The following HGS variants were observed in gnomAD, a reference collection of about 807,000 sequenced individuals.
HGS encodes hepatocyte growth factor-regulated tyrosine kinase substrate, also known as human growth factor-regulated tyrosine kinase substrate.
Under a neutral mutation model 109.7 loss-of-function variants are expected in HGS, and 63 were observed. That is an observed-to-expected ratio of 0.57 (90% CI 0.47 to 0.71). The LOEUF is 0.71. HGS is among the 30% of genes least tolerant of loss of function. The pLI, the probability that HGS is intolerant of heterozygous loss-of-function variation, is 0.00. For missense variants in HGS, 995 were observed against 1,068.3 expected, an observed-to-expected ratio of 0.93 and a Z score of 0.96; for synonymous variants, 546 against 437.3, an observed-to-expected ratio of 1.25 and a Z score of -3.10.
chr17:81,698,849 A>G (rs1430685273), intron 18 of HGS, among the ~76,000 whole-genome samples: 1 of 152,178 alleles, frequency 6.6e-6, no homozygotes, highest in Non-Finnish European at 1.5e-5. Context: ...CGCGTGGCTC[A>G]CCTGAGGTCA....
Position 81,690,910 on chromosome 17 carries a change from C to T in HGS, c.537+168C>T, listed in dbSNP as rs2037053768. The T allele has an allele frequency of 6.9e-6, 4 of 580,480 alleles. No homozygotes were observed. In the South Asian group the frequency reaches 8.7e-5, roughly 13 times the overall value. The allele number at this position is 580,480 out of a possible 1,614,324, so 36.0% of individuals were successfully genotyped here. A position where few individuals can be genotyped will look rare whatever the true frequency, so the allele number is the denominator to read the frequency against. On this transcript the variant is annotated intron_variant, in intron 7 of 21. Transcript: ENST00000329138. ...GCGTCAGGAGGGGGACAGTGAGGGCCCACGTAAGGGCCTGATGCCACTGCC... is the reference window on the plus strand; with the variant it reads ...GCGTCAGGAGGGGGACAGTGAGGGCTCACGTAAGGGCCTGATGCCACTGCC...
In HGS at chr17:81,696,692, A is replaced by G. The variant is rs1421384942; in HGVS notation, c.1652A>G (p.Lys551Arg). The G allele has an allele frequency of 6.2e-7, 1 of 1,611,426 alleles. No individual in the cohort carries two copies. The highest frequency in any genetic ancestry group is 8.5e-7 in the Non-Finnish European group (1 of 1,179,676). ...KERQMRLEQQ[K>R]QTVQMRAQMP... ...CGGCAGATGCGGCTGGAGCAGCAGA[A>G]GCAGACGGTCCAGATGCGCGCGCAG... is the stretch of plus-strand genomic sequence containing the variant. The change falls in exon 17 of 22, where the codon AAG becomes AGG. Residue 551 changes from lysine to arginine, a missense_variant. By Grantham distance (26) the Lys-to-Arg change is conservative. Coordinates refer to ENST00000329138, the MANE Select transcript of HGS (RefSeq NM_004712.5).
At chr17:81,694,783 C>T in intron 11 of HGS, 32 bp from the exon 12 acceptor site, 5 of 1,614,184 alleles carry the variant, frequency 3.1e-6, no homozygotes, top group Non-Finnish European at 3.4e-6. Flanking sequence ...GGCTCTGTCA[C>T]CTGTGAGACT....
intron 11 of HGS, 138 bp downstream of exon 11, chr17:81,694,103 A>T (rs1288964077): frequency 2.9e-6 from 2 of 692,618 alleles, no homozygotes; most frequent in African/African-American, 3.6e-5. Flanking sequence ...GCCCCAGCAC[A>T]CGGGCGGACA....
Position 81,695,899 on chromosome 17 carries a change from C to T in HGS, c.1293C>T (p.Arg431=). Residue 431 remains arginine, a synonymous_variant, in exon 15 of 22, where the codon CGC becomes CGT. Transcript: ENST00000329138. The part of the protein sequence containing the change: ...NRMKSNHMRG[R]SITNDSAVLS... ...TGAAGAGTAACCACATGCGGGGCCG[C>T]AGCATCACCAATGACTCGGCCGTGC... 6.2e-7 allele frequency: 1 copy of T among 1,611,674 alleles called. No homozygotes were observed. Among genetic ancestry groups the T allele is most frequent in the Non-Finnish European group, 8.5e-7 (1 of 1,178,578 alleles).
chr17:81,684,822 G>A (rs141523822), intron 1 of HGS: 29 of 840,002 alleles, frequency 3.5e-5, no homozygotes, highest in Middle Eastern at 1.2e-3. Flanking sequence ...GGGTTTTCAA[G>A]GAGACTTCAA....
rs191034091 is a variant in HGS at position 81,686,350 on chromosome 17, A to G, written c.161A>G (p.Asn54Ser). 8.1e-5 allele frequency: 131 copies of G among 1,613,754 alleles called. No homozygotes were observed. Among genetic ancestry groups the G allele is most frequent in the Non-Finnish European group, 5.1e-6 (6 of 1,179,988 alleles). The change falls in exon 3 of 22, where the codon AAC (asparagine) becomes AGC (serine). Residue 54 changes from asparagine to serine, a missense_variant. Coordinates refer to ENST00000329138, the MANE Select transcript of HGS (RefSeq NM_004712.5). ...YAVNSIKKKV[N>S]DKNPHVALYA... is the part of the protein sequence containing the mutation. ...GTGAATTCCATCAAGAAGAAAGTCA[A>G]CGACAAGAACCCACACGTCGCCTTG...
rs1228455606 is a variant in HGS at position 81,695,149 on chromosome 17, TTC to T, written c.1120-7_1120-6del. The stretch of plus-strand genomic sequence containing the variant: ...CGGGACAGGTTGGAGGCCCCACTCA[TTC>T]TCTCTCTTCCAGAACCCCCTCCCGG... On this transcript the variant is annotated splice_polypyrimidine_tract_variant and intron_variant, in intron 13 of 21. Coordinates refer to ENST00000329138, the MANE Select transcript of HGS (RefSeq NM_004712.5). 9.3e-6 allele frequency: 15 copies of T among 1,613,890 alleles called. No homozygotes were observed. Among genetic ancestry groups the T allele is most frequent in the East Asian group, 4.5e-5 (2 of 44,900 alleles).
chr17:81,685,934 C>T (rs911166775), intron 2 of HGS, among the ~76,000 whole-genome samples: 1 of 151,404 alleles, frequency 6.6e-6, no homozygotes, highest in Non-Finnish European at 1.5e-5. Flanking sequence ...AGATGGCAGA[C>T]AGACTTTTTT....
At position 81,693,537 on chromosome 17, in the gene HGS, C is replaced by A. The variant is rs1433801230; in HGVS notation, c.697C>A (p.Leu233Met). The stretch of plus-strand genomic sequence containing the variant: ...GGGAAAGGCCACTTCCACCACTGAG[C>A]TGCCCCCCGAGTACCTGACCAGCCC... ...AEGKATSTTELPPEYLTSPLS... is the reference protein window; with the variant it reads ...AEGKATSTTEMPPEYLTSPLS... Residue 233 changes from leucine to methionine, a missense_variant, in exon 9 of 22, where the codon CTG becomes ATG. By Grantham distance (15) the Leu-to-Met change is conservative. This residue lies in a region of HGS where 300 missense variants were observed against 235.4 expected (regional missense o/e 1.27). Transcript: ENST00000329138. 1 of 1,613,218 alleles carries A rather than the reference C, an allele frequency of 6.2e-7. No homozygotes were observed. Among genetic ancestry groups the A allele is most frequent in the South Asian group, 1.1e-5 (1 of 91,024 alleles).
At chr17:81,690,950 C>T (rs1008064812) in intron 7 of HGS, 8 of 542,042 alleles carry the variant, frequency 1.5e-5, no homozygotes, top group Admixed American at 7.2e-5. Context: ...CCGGGCCCAG[C>T]CTCACTCTGG....
In HGS at chr17:81,696,404, C is replaced by CG; in HGVS notation, c.1447dup (p.Ala483GlyfsTer146). On this transcript the variant is annotated frameshift_variant, in exon 16 of 22. Transcript: ENST00000329138. LOFTEE classifies it high-confidence loss of function. ...CAAGCTGGCACAGATCCGCGATGCC[C>CG]GGGGGGCGCTGAGTGCCCTGCGCGA... 8 of 1,584,996 alleles carry CG rather than the reference C, an allele frequency of 5.0e-6. No individual in the cohort carries two copies. The highest frequency in any genetic ancestry group is 1.8e-5 in the Admixed American group (1 of 54,818).
At chr17:81,701,370 T>C (rs1405191918) in intron 21 of HGS, 138 bp from the exon 22 acceptor site, 1 of 1,001,136 alleles carries the variant, frequency 1.0e-6, no homozygotes, top group African/African-American at 1.6e-5. Flanking sequence ...AAAGGCCGCA[T>C]GAGCTGGCTG....
rs539928166 is a variant in HGS, at chr17:81,686,883, C to T, written c.199-120C>T. The stretch of plus-strand genomic sequence containing the variant: ...TCTGCTGTCCCACCGGGTTCCCCAC[C>T]GGCCACTGACGGGCCTGTCGAAGGG... On this transcript the variant is annotated intron_variant, in intron 3 of 21. Coordinates refer to ENST00000329138, the MANE Select transcript of HGS (RefSeq NM_004712.5). The T allele has an allele frequency of 2.5e-4, 189 of 749,956 alleles. 1 individual carries two copies. The highest frequency in any genetic ancestry group is 2.0e-3 in the African/African-American group (112 of 56,930). 46.5% of individuals were successfully genotyped at this position (749,956 alleles called of 1,614,324 possible).
chr17:81,685,767 C>A, intron 2 of HGS, 78 bp downstream of exon 2: 4 of 1,080,748 alleles, frequency 3.7e-6, no homozygotes, highest in Non-Finnish European at 4.2e-6. Flanking sequence ...CCCGTTGGGT[C>A]TCCACGACGT....
rs747461039 is a variant in HGS at position 81,684,020 on chromosome 17, C to G, written c.-47C>G. On this transcript the variant is annotated 5_prime_UTR_variant, in exon 1 of 22. Coordinates refer to ENST00000329138, the MANE Select transcript of HGS (RefSeq NM_004712.5). ...GCGGAAGTCGGGGGGCGCGCCAGCT[C>G]GTAGCAGGGGAGCGCCCGCGGCGTC... 4.2e-5 allele frequency: 66 copies of G among 1,571,140 alleles called. No homozygotes were observed. The highest frequency in any genetic ancestry group is 1.5e-4 in the Admixed American group (8 of 53,556).
At chr17:81,689,573 T>G (rs2037033358) in intron 5 of HGS, among the ~76,000 whole-genome samples, 1 of 152,158 alleles carries the variant, frequency 6.6e-6, no homozygotes, top group East Asian at 1.9e-4. Context: ...GCCCTGAGTC[T>G]GCTGAAGACG....
Position 81,696,430 on chromosome 17 carries a change from A to G in HGS, c.1467A>G (p.Glu489=). 6.4e-7 allele frequency: 1 copy of G among 1,570,036 alleles called. No individual in the cohort carries two copies. Among genetic ancestry groups the G allele is most frequent in the African/African-American group, 1.3e-5 (1 of 74,236 alleles). ...GGGGGGCGCTGAGTGCCCTGCGCGAAGAGCACCGGGAGAAGCTTCGCCGGG... is the reference window on the plus strand; with the variant it reads ...GGGGGGCGCTGAGTGCCCTGCGCGAGGAGCACCGGGAGAAGCTTCGCCGGG... The part of the protein sequence containing the change: ...DARGALSALR[E]EHREKLRRAA... Residue 489 remains glutamate (E), a synonymous_variant, in exon 16 of 22, where the codon GAA becomes GAG. Coordinates refer to ENST00000329138, the MANE Select transcript of HGS (RefSeq NM_004712.5).
chr17:81,700,943 G>C (rs956101743), intron 20 of HGS, 102 bp from the exon 21 acceptor site: 88 of 1,525,544 alleles, frequency 5.8e-5, no homozygotes, highest in Admixed American at 2.7e-4. Flanking sequence ...TCCACTCTCT[G>C]GGTGCTCCCT....
Sources: gnomAD v4.1 joint callset for allele counts (sites outside exome capture counted in the v4.1 genomes callset) on GRCh38, gnomAD v4.1.1 for gene constraint, gnomAD v4.1.1 regional missense constraint, MANE v1.5 for transcripts, NCBI Gene and HGNC (gene_info 2026-07-23, HGNC 2026-07-21) for gene names.